OR6N1: variants seen among roughly 807,000 people sequenced by gnomAD.
OR6N1 encodes the protein olfactory receptor 6N1.
For missense variants in OR6N1, 394 were observed against 371.7 expected, an observed-to-expected ratio of 1.06 and a Z score of -0.49; for synonymous variants, 170 against 150.7, an observed-to-expected ratio of 1.13 and a Z score of -0.94.
the OR6N1 span, among the ~76,000 whole-genome samples, chr1:158,821,850 TCAAACTGTCTTC>T: frequency 6.6e-6 from 1 of 152,178 alleles, no homozygotes; most frequent in Non-Finnish European, 1.5e-5. Flanking sequence ...TAAGAAACTG[TCAAACTGTCTTC>T]CAAACTGGCT....
the OR6N1 span, among the ~76,000 whole-genome samples, chr1:158,801,511 C>T: frequency 3.0e-4 from 46 of 152,154 alleles, 1 homozygote; most frequent in East Asian, 5.2e-3. Context: ...AAGCTAAGGC[C>T]CCTATATTGT....
At chr1:158,829,030 C>T in the OR6N1 span, among the ~76,000 whole-genome samples, 38 of 152,318 alleles carry the variant, frequency 2.5e-4, no homozygotes, top group African/African-American at 9.1e-4. Context: ...GGCACTAAGT[C>T]ACTAGGCTGC....
At chr1:158,774,869 C>T (rs1036805354), upstream of OR6N1, 4 of 152,048 alleles carry the variant, frequency 2.6e-5, no homozygotes, top group African/African-American at 7.2e-5. Flanking sequence ...TAGGGAAGAC[C>T]GATGCATTCT....
chr1:158,783,827 C>T, the OR6N1 span, among the ~76,000 whole-genome samples: 1 of 152,146 alleles, frequency 6.6e-6, no homozygotes, highest in Non-Finnish European at 1.5e-5. Flanking sequence ...AGGCTAGGGA[C>T]TGGGCGCGGT....
the OR6N1 span, among the ~76,000 whole-genome samples, chr1:158,787,746 G>T: frequency 6.6e-6 from 1 of 151,544 alleles, no homozygotes; most frequent in East Asian, 1.9e-4. Flanking sequence ...TCTCTCATTT[G>T]ACCTGATTCT....
At chr1:158,787,561 T>A in the OR6N1 span, among the ~76,000 whole-genome samples, 2 of 151,698 alleles carry the variant, frequency 1.3e-5, no homozygotes, top group South Asian at 2.1e-4. Flanking sequence ...AGGCTTGCAG[T>A]TTAGCAAACC....
chr1:158,776,607 G>T, upstream of OR6N1: 1 of 777,934 alleles, frequency 1.3e-6, no homozygotes, highest in Non-Finnish European at 2.1e-6. Context: ...TTCAGAGCAT[G>T]TGTGATGATG....
chr1:158,765,897 C>T lies in OR6N1; in HGVS notation c.786G>A (p.Leu262=). 6.2e-7 allele frequency: 1 copy of T among 1,614,120 alleles called. No individual in the cohort carries two copies. The highest frequency in any genetic ancestry group is 1.3e-5 in the African/African-American group (1 of 75,038). ...CATAGTCCAGTGAGTAGCTCTTCTT[C>T]AGCTGCACATACATGGAAAGGATGC... ...YGSILSMYVQ[L]KKSYSLDYDQ... The change falls in exon 2 of 2, where the codon CTG becomes CTA. Residue 262 remains leucine, a synonymous_variant. Coordinates refer to ENST00000641846, the MANE Select transcript of OR6N1 (RefSeq NM_001005185.2).
chr1:158,768,039 A>G (rs78712679), intron 1 of OR6N1, among the ~76,000 whole-genome samples: 5,402 of 152,114 alleles, frequency 0.036, 115 homozygotes, highest in Middle Eastern at 0.071. Context: ...TCGGGGTACT[A>G]TACTTTTGGT....
At chr1:158,775,338 G>C (rs149957256), upstream of OR6N1, 1 of 152,246 alleles carries the variant, frequency 6.6e-6, no homozygotes, top group Non-Finnish European at 1.5e-5. Flanking sequence ...ACGGAGTGAA[G>C]ATCCTGAAGC....
the OR6N1 span, among the ~76,000 whole-genome samples, chr1:158,784,373 G>A: frequency 6.6e-6 from 1 of 152,072 alleles, no homozygotes; most frequent in Non-Finnish European, 1.5e-5. Context: ...ATCAAATCAG[G>A]GTATTTAGCC....
chr1:158,836,669 C>T, the OR6N1 span, among the ~76,000 whole-genome samples: 1 of 151,578 alleles, frequency 6.6e-6, no homozygotes, highest in Non-Finnish European at 1.5e-5. Context: ...TTTCAGAAAA[C>T]CAACTCTTTT....
the OR6N1 span, among the ~76,000 whole-genome samples, chr1:158,815,679 T>A: frequency 3.9e-5 from 6 of 152,116 alleles, no homozygotes; most frequent in Non-Finnish European, 7.4e-5. Context: ...GTGAAAAAAA[T>A]TCAACTAATG....
intron 1 of OR6N1, among the ~76,000 whole-genome samples, chr1:158,771,037 A>G (rs1327078739): frequency 6.6e-6 from 1 of 152,202 alleles, no homozygotes; most frequent in Non-Finnish European, 1.5e-5. Flanking sequence ...ATGTTTGCCA[A>G]GTGGGTTTCT....
intron 1 of OR6N1, among the ~76,000 whole-genome samples, chr1:158,767,051 T>G (rs1345908828): frequency 6.6e-6 from 1 of 152,202 alleles, no homozygotes. Flanking sequence ...TACATATTGT[T>G]CATCTAAGGT....
the OR6N1 span, among the ~76,000 whole-genome samples, chr1:158,794,688 G>C: frequency 6.6e-6 from 1 of 152,194 alleles, no homozygotes; most frequent in South Asian, 2.1e-4. Flanking sequence ...AATGTATTGA[G>C]CATGTGGATA....
rs74460256 is a variant in OR6N1, at chr1:158,768,689, T to G, written c.-18-1989A>C. 7.5e-3 allele frequency among the ~76,000 whole-genome samples: 1,145 copies of G among 152,336 alleles called. 12 individuals are homozygous for G. The highest frequency in any genetic ancestry group is 0.026 in the African/African-American group (1,095 of 41,578). On this transcript the variant is annotated intron_variant, in intron 1 of 1. Coordinates refer to ENST00000641846, the MANE Select transcript of OR6N1 (RefSeq NM_001005185.2). ...ACCTTTGCTGTAGCTCTTTCCTTGT[T>G]CTAGAATCTCTTTCACCATTTGGAT...
the OR6N1 span, among the ~76,000 whole-genome samples, chr1:158,802,856 A>G: frequency 3.3e-5 from 5 of 151,944 alleles, no homozygotes; most frequent in Non-Finnish European, 7.4e-5. Flanking sequence ...TTTCATTATT[A>G]CTTTTACTTA....
At chr1:158,796,078 AC>A in the OR6N1 span, 2 of 152,282 alleles carry the variant, frequency 1.3e-5, no homozygotes, top group East Asian at 3.9e-4. Flanking sequence ...TCCTAGTATA[AC>A]CTACAGTGGG....
Sources: gnomAD v4.1 joint callset for allele counts (sites outside exome capture counted in the v4.1 genomes callset) on GRCh38, gnomAD v4.1.1 for gene constraint, MANE v1.5 for transcripts, NCBI Gene and HGNC (gene_info 2026-07-23, HGNC 2026-07-21) for gene names.